Variants in SLC20A2 observed in about 807,000 individuals in gnomAD.
SLC20A2 encodes the protein sodium-dependent phosphate transporter 2.
SLC20A2 carries 30 observed loss-of-function variants against 61.0 expected under a neutral mutation model. The ratio of observed to expected loss-of-function variants is 0.49; its 90% CI spans 0.37 to 0.67. The LOEUF is 0.67. Ranked by LOEUF, SLC20A2 falls within the 30% of genes least tolerant of loss-of-function variation. SLC20A2 has a pLI of 0.00. For missense variants in SLC20A2, 626 were observed against 866.4 expected (o/e 0.72, Z 3.48); for synonymous variants, 351 against 353.3 (o/e 0.99, Z 0.07).
chr8:42,468,972 G>A lies in SLC20A2; in HGVS notation c.290-3055C>T, dbSNP rs75734238. ...TCCCACAAGATGACTTGTTCAGGAC[G>A]TTTCACTGGCAGCAATAATTTCTAC... On this transcript the variant is annotated intron_variant, in intron 2 of 10. Transcript: ENST00000520262. Among the ~76,000 whole-genome samples, 237 of 152,284 alleles carry A rather than the reference G, an allele frequency of 1.6e-3. 2 individuals carry two copies. The highest frequency in any genetic ancestry group is 5.6e-3 in the African/African-American group (231 of 41,548).
At chr8:42,507,144 A>G (rs1388751344) in intron 1 of SLC20A2, among the ~76,000 whole-genome samples, 2 of 152,212 alleles carry the variant, frequency 1.3e-5, no homozygotes, top group African/African-American at 4.8e-5. Context: ...GCCCTACAGA[A>G]CTGTGAGGTA....
At chr8:42,467,580 G>T (rs1247143010) in intron 2 of SLC20A2, among the ~76,000 whole-genome samples, 1 of 152,212 alleles carries the variant, frequency 6.6e-6, no homozygotes, top group East Asian at 1.9e-4. Context: ...CATCTGAGTT[G>T]CAGGAGGATC....
chr8:42,528,800 A>G (rs1018051268), intron 1 of SLC20A2, among the ~76,000 whole-genome samples: 11 of 151,462 alleles, frequency 7.3e-5, no homozygotes, highest in Non-Finnish European at 1.6e-4. Context: ...CCGAGTAGCC[A>G]GGATTATAGG....
chr8:42,421,603 G>A (rs573819910), intron 10 of SLC20A2, among the ~76,000 whole-genome samples: 6 of 152,210 alleles, frequency 3.9e-5, no homozygotes, highest in Admixed American at 3.9e-4. Context: ...TCAGGAGTTC[G>A]AGACCAGCCT....
At position 42,435,907 on chromosome 8, in the gene SLC20A2, A is replaced by T. The variant is rs1586018611; in HGVS notation, c.1523+1082T>A. ...TGAGGTGGGCGGATCACCTGAGGTC[A>T]GGAGTTTGAGACCAGCCTGGCCAAC... On this transcript the variant is annotated intron_variant, in intron 8 of 10. Coordinates refer to ENST00000520262, the MANE Select transcript of SLC20A2 (RefSeq NM_001257180.2). Among the ~76,000 whole-genome samples, 3 of 152,182 alleles carry T rather than the reference A, an allele frequency of 2.0e-5. No homozygotes were observed. In the South Asian group the frequency reaches 6.2e-4, roughly 32 times the overall value.
At chr8:42,516,148 T>C (rs548368902) in intron 1 of SLC20A2, among the ~76,000 whole-genome samples, 108 of 152,210 alleles carry the variant, frequency 7.1e-4, no homozygotes, top group Non-Finnish European at 1.3e-3. Context: ...TTAAACACTA[T>C]CCTACAAGTC....
At chr8:42,427,127 G>A (rs1014073029) in intron 10 of SLC20A2, among the ~76,000 whole-genome samples, 9 of 152,252 alleles carry the variant, frequency 5.9e-5, no homozygotes, top group African/African-American at 1.4e-4. Flanking sequence ...AGGCGGAGCC[G>A]GGGAGGAGGA....
At chr8:42,532,466 T>G (rs944409823) in intron 1 of SLC20A2, among the ~76,000 whole-genome samples, 2 of 152,244 alleles carry the variant, frequency 1.3e-5, no homozygotes, top group Non-Finnish European at 2.9e-5. Context: ...CTGTTTTGAC[T>G]GTCTTTAAAG....
At chr8:42,538,561 G>A (rs1812855893) in intron 1 of SLC20A2, among the ~76,000 whole-genome samples, 1 of 152,170 alleles carries the variant, frequency 6.6e-6, no homozygotes. Flanking sequence ...GGATTCCCCA[G>A]GGAAAGTGCT....
chr8:42,462,940 A>C (rs1377897750), intron 4 of SLC20A2, 65 bp downstream of exon 4: 1 of 915,406 alleles, frequency 1.1e-6, no homozygotes, highest in African/African-American at 1.7e-5. Flanking sequence ...TCTCATTATT[A>C]ATTTCTACTG....
chr8:42,436,603 C>T (rs1804278157), intron 8 of SLC20A2, among the ~76,000 whole-genome samples: 1 of 152,182 alleles, frequency 6.6e-6, no homozygotes, highest in Non-Finnish European at 1.5e-5. Flanking sequence ...ACGTGCTCTG[C>T]ATCCACGACC....
Position 42,417,770 on chromosome 8 carries a change from C to T in SLC20A2, c.*33G>A, listed in dbSNP as rs778085527. ...CTCCCACACGCCAACACCAGACCAT[C>T]CCTTTAGCTGTTTGCAGCTGGAAGA... On this transcript the variant is annotated 3_prime_UTR_variant, in exon 11 of 11. Coordinates refer to ENST00000520262, the MANE Select transcript of SLC20A2 (RefSeq NM_001257180.2). 1.2e-6 allele frequency: 2 copies of T among 1,609,288 alleles called. No homozygotes were observed. The highest frequency in any genetic ancestry group is 1.3e-5 in the African/African-American group (1 of 74,942).
At chr8:42,487,425 C>A (rs189521080) in intron 1 of SLC20A2, among the ~76,000 whole-genome samples, 27 of 152,106 alleles carry the variant, frequency 1.8e-4, no homozygotes, top group African/African-American at 6.0e-4. Flanking sequence ...GATCCACCTG[C>A]CTCGGCCTCC....
rs1313507406 is a variant in SLC20A2, at chr8:42,520,680, C to A, written c.-265+21141G>T. ...GGCGGAGCTTGCAGTGAGCTGAGAT[C>A]ATGCCACTGCACTCCAGCCTGGGTG... On this transcript the variant is annotated intron_variant, in intron 1 of 10. Transcript: ENST00000342228. Among the ~76,000 whole-genome samples the A allele has an allele frequency of 1.7e-5, 2 of 116,574 alleles. 1 individual carries two copies. The highest frequency in any genetic ancestry group is 5.2e-5 in the African/African-American group (2 of 38,506). The allele number at this position is 116,574 out of a possible 152,430, so 76.5% of individuals were successfully genotyped here.
rs1468847341 is a variant in SLC20A2, at chr8:42,472,929, C to T, written c.-264-275G>A. Reference sequence around the variant, plus strand: ...TACTAGGTTACATTTTTCATGCAATCGGAAAAACATATTTGGTCATTATTT... The same window carrying T: ...TACTAGGTTACATTTTTCATGCAATTGGAAAAACATATTTGGTCATTATTT... On this transcript the variant is annotated intron_variant, in intron 1 of 10. Transcript: ENST00000520262. This position sits in a 1 kb window ranked among gnomAD's most constrained non-coding sequence, Gnocchi z 4.1. Among the ~76,000 whole-genome samples the T allele has an allele frequency of 2.0e-5, 3 of 152,134 alleles. No homozygotes were observed. Among genetic ancestry groups the T allele is most frequent in the East Asian group, 1.9e-4 (1 of 5,202 alleles).
At chr8:42,514,444 T>C (rs1310963830) in intron 1 of SLC20A2, among the ~76,000 whole-genome samples, 1 of 152,144 alleles carries the variant, frequency 6.6e-6, no homozygotes, top group Non-Finnish European at 1.5e-5. Flanking sequence ...CTTGCATGAA[T>C]GCCAACGATA....
chr8:42,484,662 G>A (rs1363968723), intron 1 of SLC20A2: 3 of 351,434 alleles, frequency 8.5e-6, no homozygotes, highest in Non-Finnish European at 1.1e-5. Flanking sequence ...GCCCCATGGT[G>A]TCCCCTGACA....
intron 1 of SLC20A2, among the ~76,000 whole-genome samples, chr8:42,488,352 A>T (rs1554567427): frequency 6.7e-6 from 1 of 149,476 alleles, no homozygotes; most frequent in Non-Finnish European, 1.5e-5. Context: ...CACCTGGCTA[A>T]TTTTTTTTTG....
chr8:42,488,945 T>G (rs573027474), intron 1 of SLC20A2, among the ~76,000 whole-genome samples: 15 of 143,956 alleles, frequency 1.0e-4, no homozygotes, highest in South Asian at 4.4e-4. Context: ...GTTTTTTTTT[T>G]TTTTTTTTTT....
Sources: gnomAD v4.1 joint callset for allele counts (sites outside exome capture counted in the v4.1 genomes callset) on GRCh38, gnomAD v4.1.1 for gene constraint, Gnocchi (gnomAD v3.1) non-coding constraint, MANE v1.5 for transcripts, NCBI Gene and HGNC (gene_info 2026-07-23, HGNC 2026-07-21) for gene names.